ZFPL1: variants seen among roughly 807,000 people sequenced by gnomAD.
ZFPL1 encodes zinc finger protein-like 1.
A neutral mutation model predicts 32.0 loss-of-function variants in ZFPL1; 28 were observed. The ratio of observed to expected loss-of-function variants is 0.87; its 90% CI spans 0.65 to 1.20. ZFPL1 has a LOEUF of 1.20. ZFPL1 is among the 50% of genes most tolerant of loss of function. The pLI is 0.00. For missense variants in ZFPL1, 386 were observed against 424.8 expected (o/e 0.91, Z 0.80); for synonymous variants, 165 against 177.0 (o/e 0.93, Z 0.54).
chr11:65,088,282 G>T lies in ZFPL1; in HGVS notation c.*168G>T. The T allele has an allele frequency of 9.0e-7, 1 of 1,105,850 alleles. No homozygotes were observed. The highest frequency in any genetic ancestry group is 1.3e-6 in the Non-Finnish European group (1 of 770,680). 68.5% of individuals were successfully genotyped at this position (1,105,850 alleles called of 1,614,324 possible). On this transcript the variant is annotated 3_prime_UTR_variant, in exon 8 of 8. Coordinates refer to ENST00000294258, the MANE Select transcript of ZFPL1 (RefSeq NM_006782.4). Reference sequence around the variant, plus strand: ...ACCAGAGTGGCTGCAGGCCAGGCCTGGAGTCCCCGTGGGTCAAGCATTTGT... The same window carrying T: ...ACCAGAGTGGCTGCAGGCCAGGCCTTGAGTCCCCGTGGGTCAAGCATTTGT...
Position 65,087,393 on chromosome 11 carries a change from C to T in ZFPL1, c.706C>T (p.Arg236Ter), listed in dbSNP as rs1405951907. 6 of 1,613,942 alleles carry T rather than the reference C, an allele frequency of 3.7e-6. No homozygotes were observed. The highest frequency in any genetic ancestry group is 1.6e-4 in the Middle Eastern group (1 of 6,084). Residue 236 changes from arginine to a stop codon, truncating the protein, a stop_gained, in exon 7 of 8, where the codon CGA (arginine) becomes TGA (stop). Coordinates refer to ENST00000294258, the MANE Select transcript of ZFPL1 (RefSeq NM_006782.4). LOFTEE classifies it high-confidence loss of function. ...TGGAGACTGTGACGATGACAAGTAC[C>T]GACGTCGGCCGGCCTTGGGTTGGCT... ...LHGDCDDDKY[R>*]RRPALGWLAR...
rs756069764 is a variant in ZFPL1 at position 65,088,049 on chromosome 11, G to A, written c.868G>A (p.Ala290Thr). 24 of 1,610,856 alleles carry A rather than the reference G, an allele frequency of 1.5e-5. No individual in the cohort carries two copies. Among genetic ancestry groups the A allele is most frequent in the Admixed American group, 3.4e-5 (2 of 59,512 alleles). The change falls in exon 8 of 8, where the codon GCA becomes ACA. Residue 290 changes from alanine to threonine, a missense_variant. By Grantham distance (58) the Ala-to-Thr change is moderately conservative (BLOSUM62 0). Coordinates refer to ENST00000294258, the MANE Select transcript of ZFPL1 (RefSeq NM_006782.4). The stretch of plus-strand genomic sequence containing the variant: ...CCTCATGTCTCGCCTAGGCCGGGCC[G>A]CAGCTGACAGCGATCCCAACCTGGA... Reference protein sequence around the residue: ...LALMSRLGRAAADSDPNLDPL... With the variant: ...LALMSRLGRATADSDPNLDPL...
rs527487989 is a variant in ZFPL1, at chr11:65,084,261, C to T, written c.-126C>T. The stretch of plus-strand genomic sequence containing the variant: ...GGAGGGATAATCGGGGCGGCCGGGG[C>T]TGAAGGGAGAGGCGCAGGAGCCCTG... On this transcript the variant is annotated 5_prime_UTR_variant, in exon 1 of 8. Coordinates refer to ENST00000294258, the MANE Select transcript of ZFPL1 (RefSeq NM_006782.4). The T allele has an allele frequency of 8.8e-6, 5 of 567,426 alleles. No individual in the cohort carries two copies. The South Asian group carries it at 1.0e-4, about 12-fold the overall frequency. 35.1% of individuals were successfully genotyped at this position (567,426 alleles called of 1,614,324 possible).
chr11:65,087,042 T>TCA lies in ZFPL1; in HGVS notation c.597_598insAC (p.His200ThrfsTer9). ...GGCCGGCCCGAGCAGCACACAGTGA[T>TCA]CCACATGGGCAATCCTGAGCCCTTG... On this transcript the variant is annotated frameshift_variant, in exon 6 of 8. Coordinates refer to ENST00000294258, the MANE Select transcript of ZFPL1 (RefSeq NM_006782.4). LOFTEE classifies it high-confidence loss of function. 2 of 1,613,822 alleles carry TCA rather than the reference T, an allele frequency of 1.2e-6. No individual in the cohort carries two copies. The highest frequency in any genetic ancestry group is 1.7e-6 in the Non-Finnish European group (2 of 1,179,948).
At chr11:65,087,706 T>C (rs1189179102) in intron 7 of ZFPL1, 1 of 623,404 alleles carries the variant, frequency 1.6e-6, no homozygotes, top group Non-Finnish European at 2.8e-6. Flanking sequence ...TTTGTAATTC[T>C]CCCCGACGTC....
chr11:65,085,034 A>G, intron 2 of ZFPL1, 81 bp from the exon 3 acceptor site: 2 of 1,358,982 alleles, frequency 1.5e-6, no homozygotes, highest in Non-Finnish European at 2.1e-6. Context: ...CTCTGTGGCT[A>G]GAGAAAAAGA....
rs1221314862 is a variant in ZFPL1 at position 65,088,000 on chromosome 11, G to T, written c.819G>T (p.Leu273=). Residue 273 remains leucine, a synonymous_variant, in exon 8 of 8, where the codon CTG becomes CTT. Coordinates refer to ENST00000294258, the MANE Select transcript of ZFPL1 (RefSeq NM_006782.4). Reference sequence around the variant, plus strand: ...CGGGGCTGCTGCTACTCTTGGGACTGCTGGGCTTCCTGGCCCTCCTTGCCC... The same window carrying T: ...CGGGGCTGCTGCTACTCTTGGGACTTCTGGGCTTCCTGGCCCTCCTTGCCC... The part of the protein sequence containing the change: ...QRAGLLLLLG[L]LGFLALLALM... The T allele has an allele frequency of 5.6e-6, 9 of 1,601,250 alleles. No individual in the cohort carries two copies. The highest frequency in any genetic ancestry group is 2.7e-5 in the African/African-American group (2 of 74,304).
intron 1 of ZFPL1, 108 bp from the exon 2 acceptor site, chr11:65,084,583 G>A: frequency 1.2e-6 from 1 of 869,072 alleles, no homozygotes; most frequent in South Asian, 1.5e-5. Context: ...TGAGATCGGG[G>A]CGAATATGAG....
At chr11:65,087,890 G>C (rs1341488383) in intron 7 of ZFPL1, 38 bp from the exon 8 acceptor site, 3 of 1,523,090 alleles carry the variant, frequency 2.0e-6, no homozygotes, top group Non-Finnish European at 2.6e-6. Context: ...GGCCACCAGG[G>C]ACTGGGGCCT....
rs1196361854 is a variant in ZFPL1, at chr11:65,088,065, C to T, written c.884C>T (p.Pro295Leu). The T allele has an allele frequency of 6.2e-7, 1 of 1,611,676 alleles. No individual in the cohort carries two copies. The highest frequency in any genetic ancestry group is 8.5e-7 in the Non-Finnish European group (1 of 1,179,602). ...GGCCGGGCCGCAGCTGACAGCGATC[C>T]CAACCTGGACCCACTCATGAACCCT... ...RLGRAAADSD[P>L]NLDPLMNPHI... Residue 295 changes from proline (P) to leucine (L), a missense_variant, in exon 8 of 8, where the codon CCC becomes CTC. Pro to Leu is a moderately conservative substitution (Grantham distance 98, BLOSUM62 -3). Transcript: ENST00000294258.
At chr11:65,085,757 T>C (rs1590804591) in intron 3 of ZFPL1, 1 of 210,144 alleles carries the variant, frequency 4.8e-6, no homozygotes, top group African/African-American at 2.3e-5. Context: ...TGAGTGCATG[T>C]GTGTACTTGC....
rs542708876 is a variant in ZFPL1, at chr11:65,085,152, G to A, written c.140G>A (p.Ser47Asn). The A allele has an allele frequency of 6.2e-7, 1 of 1,614,172 alleles. No homozygotes were observed. The highest frequency in any genetic ancestry group is 1.3e-5 in the African/African-American group (1 of 75,034). Reference protein sequence around the residue: ...VQSYLQWLQDSDYNPNCRLCN... With the variant: ...VQSYLQWLQDNDYNPNCRLCN... The stretch of plus-strand genomic sequence containing the variant: ...TCCTACCTGCAATGGCTCCAAGATA[G>A]CGACTACAACCCCAATTGCCGCCTG... Residue 47 changes from serine to asparagine, a missense_variant, in exon 3 of 8, where the codon AGC becomes AAC. Physicochemically the swap from Ser to Asn is conservative, Grantham distance 46 (BLOSUM62 1). Transcript: ENST00000294258.
Position 65,086,524 on chromosome 11 carries a change from C to T in ZFPL1, c.324C>T (p.Thr108=), listed in dbSNP as rs767714762. 2 of 1,614,174 alleles carry T rather than the reference C, an allele frequency of 1.2e-6. No homozygotes were observed. Among genetic ancestry groups the T allele is most frequent in the South Asian group, 2.2e-5 (2 of 91,092 alleles). Residue 108 remains threonine (T), a synonymous_variant, in exon 4 of 8, where the codon ACC becomes ACT. Coordinates refer to ENST00000294258, the MANE Select transcript of ZFPL1 (RefSeq NM_006782.4). ...GCAATGGCCCCATCTTCCCCCCAACCAACCTGGCTGGCCCCGTGGCCTCCG... is the reference window on the plus strand; with the variant it reads ...GCAATGGCCCCATCTTCCCCCCAACTAACCTGGCTGGCCCCGTGGCCTCCG... ...PSCNGPIFPP[T]NLAGPVASAL...
At position 65,088,029 on chromosome 11, in the gene ZFPL1, T is replaced by C. The variant is rs1947696870; in HGVS notation, c.848T>C (p.Met283Thr). The C allele has an allele frequency of 1.2e-6, 2 of 1,608,836 alleles. No homozygotes were observed. The highest frequency in any genetic ancestry group is 8.5e-7 in the Non-Finnish European group (1 of 1,178,894). Residue 283 changes from methionine (M) to threonine (T), a missense_variant, in exon 8 of 8, where the codon ATG (methionine) becomes ACG (threonine). By Grantham distance (81) the Met-to-Thr change is moderately conservative. Transcript: ENST00000294258. ...GGCTTCCTGGCCCTCCTTGCCCTCA[T>C]GTCTCGCCTAGGCCGGGCCGCAGCT... The part of the protein sequence containing the change: ...LLGFLALLAL[M>T]SRLGRAAADS...
At chr11:65,087,823 A>G in intron 7 of ZFPL1, 105 bp from the exon 8 acceptor site, 1 of 1,222,060 alleles carries the variant, frequency 8.2e-7, no homozygotes, top group Non-Finnish European at 1.1e-6. Context: ...TGAGGCACAG[A>G]CGAGGAGATG....
At position 65,086,938 on chromosome 11, in the gene ZFPL1, C is replaced by T. The variant is rs913244212; in HGVS notation, c.492C>T (p.Thr164=). Residue 164 remains threonine (T), a synonymous_variant, in exon 6 of 8, where the codon ACC becomes ACT. Transcript: ENST00000294258. Reference sequence around the variant, plus strand: ...TCTTTCCACCCACAGCCAGCAGTACCCCTGGACCAGAGGAGGTAGACAGCG... The same window carrying T: ...TCTTTCCACCCACAGCCAGCAGTACTCCTGGACCAGAGGAGGTAGACAGCG... ...SDWSSFNASS[T]PGPEEVDSAS... 10 of 1,613,944 alleles carry T rather than the reference C, an allele frequency of 6.2e-6. No individual in the cohort carries two copies. Among genetic ancestry groups the T allele is most frequent in the Admixed American group, 1.7e-5 (1 of 59,998 alleles).
chr11:65,085,999 GA>G, intron 3 of ZFPL1: 1 of 197,670 alleles, frequency 5.1e-6, no homozygotes, highest in Non-Finnish European at 1.0e-5. Context: ...ACTTGTGTTT[GA>G]TTATGTGCTT....
chr11:65,084,966 G>T (rs1947659293), intron 2 of ZFPL1, 149 bp from the exon 3 acceptor site: 1 of 1,016,798 alleles, frequency 9.8e-7, no homozygotes, highest in Non-Finnish European at 1.5e-6. Context: ...AGAGAGTCTG[G>T]TGCACAGTAT....
chr11:65,087,718 G>T (rs1404135868), intron 7 of ZFPL1: 1 of 631,830 alleles, frequency 1.6e-6, no homozygotes, highest in Admixed American at 3.0e-5. Context: ...CCCGACGTCT[G>T]ACACACTGTG....
Sources: allele counts gnomAD v4.1 joint callset, GRCh38; gene constraint gnomAD v4.1.1; transcripts MANE v1.5; gene names NCBI Gene and HGNC (gene_info 2026-07-23, HGNC 2026-07-21).